Variants in MICU2 observed in about 807,000 individuals in gnomAD.
MICU2 encodes the protein mitochondrial calcium uptake 2, also known as calcium uptake protein 2, mitochondrial.
MICU2 carries 64 observed loss-of-function variants against 60.4 expected under a neutral mutation model. That is an observed-to-expected ratio of 1.06 (90% CI 0.87 to 1.31). The LOEUF is 1.31. Among genes scored for constraint, MICU2 ranks in the 50% most tolerant of loss-of-function variants. MICU2 has a pLI of 0.00. For synonymous variants in MICU2, 201 were observed against 175.0 expected, an observed-to-expected ratio of 1.15 and a Z score of -1.17; for missense variants, 569 against 531.0, an observed-to-expected ratio of 1.07 and a Z score of -0.70.
At chr13:21,573,487 T>C (rs1349752320) in intron 1 of MICU2, among the ~76,000 whole-genome samples, 3 of 152,144 alleles carry the variant, frequency 2.0e-5, no homozygotes. Flanking sequence ...TTAGCCAGGA[T>C]GGTCTTGATC....
chr13:21,563,408 T>C (rs1477838355), intron 2 of MICU2, among the ~76,000 whole-genome samples: 5 of 151,888 alleles, frequency 3.3e-5, no homozygotes, highest in South Asian at 2.1e-4. Flanking sequence ...TGAGCCAAGA[T>C]TGCACCACTG....
At chr13:21,510,312 T>C (rs1331996597) in intron 7 of MICU2, among the ~76,000 whole-genome samples, 1 of 152,112 alleles carries the variant, frequency 6.6e-6, no homozygotes, top group South Asian at 2.1e-4. Flanking sequence ...CAATAAACAA[T>C]AAGGGATAAA....
At chr13:21,566,762 T>C (rs547146586) in intron 2 of MICU2, 35 bp downstream of exon 2, 9 of 1,501,558 alleles carry the variant, frequency 6.0e-6, no homozygotes, top group Non-Finnish European at 4.4e-6. Flanking sequence ...TGAAGTCTGA[T>C]TTTTTTAATT....
intron 5 of MICU2, among the ~76,000 whole-genome samples, chr13:21,522,117 G>A (rs1340661611): frequency 6.6e-6 from 1 of 152,182 alleles, no homozygotes; most frequent in Non-Finnish European, 1.5e-5. Context: ...ACATGGCACA[G>A]CATTATGAAC....
At chr13:21,513,739 C>CA (rs376128312) in intron 7 of MICU2, among the ~76,000 whole-genome samples, 44,178 of 58,746 alleles carry the variant, frequency 0.75, 19,046 homozygotes, top group Non-Finnish European at 0.83. Flanking sequence ...GACTCTGTCT[C>CA]AAAAAAAAAA....
At chr13:21,556,913 A>G (rs969419439) in intron 2 of MICU2, among the ~76,000 whole-genome samples, 1 of 152,238 alleles carries the variant, frequency 6.6e-6, no homozygotes, top group Admixed American at 6.5e-5. Flanking sequence ...GAGGACTATC[A>G]AAATTAGTGG....
intron 1 of MICU2, among the ~76,000 whole-genome samples, chr13:21,602,409 C>G (rs1174506648): frequency 6.6e-6 from 1 of 152,128 alleles, no homozygotes; most frequent in Non-Finnish European, 1.5e-5. Flanking sequence ...GTAGTCCCAG[C>G]TACTCGGGAG....
At chr13:21,563,398 T>C (rs925568669) in intron 2 of MICU2, among the ~76,000 whole-genome samples, 7 of 151,506 alleles carry the variant, frequency 4.6e-5, no homozygotes, top group Non-Finnish European at 7.4e-5. Context: ...GAGCTTACAG[T>C]GAGCCAAGAT....
chr13:21,582,299 C>T (rs898222123), intron 1 of MICU2, among the ~76,000 whole-genome samples: 3 of 152,100 alleles, frequency 2.0e-5, no homozygotes, highest in African/African-American at 7.2e-5. Context: ...GATACAATAG[C>T]CAAAACTTTT....
At chr13:21,508,248 C>T (rs1031692797) in intron 8 of MICU2, among the ~76,000 whole-genome samples, 1 of 151,964 alleles carries the variant, frequency 6.6e-6, no homozygotes, top group Non-Finnish European at 1.5e-5. Flanking sequence ...GCCTCAGCCT[C>T]CCAAGTAGCA....
At chr13:21,551,010 TCAACGGGCCCTA>T (rs1292545177) in intron 2 of MICU2, among the ~76,000 whole-genome samples, 4 of 152,340 alleles carry the variant, frequency 2.6e-5, no homozygotes, top group African/African-American at 9.6e-5. Context: ...TCCTTTGATC[TCAACGGGCCCTA>T]CAATCTTTTG....
chr13:21,564,102 G>C (rs1593346975), intron 2 of MICU2, among the ~76,000 whole-genome samples: 1 of 152,156 alleles, frequency 6.6e-6, no homozygotes, highest in African/African-American at 2.4e-5. Flanking sequence ...GGAGCCCTTA[G>C]CATATTAATG....
chr13:21,555,903 C>T (rs1488807333), intron 2 of MICU2, among the ~76,000 whole-genome samples: 1 of 152,160 alleles, frequency 6.6e-6, no homozygotes. Context: ...CTACCTAATC[C>T]AAGCTTCCAC....
chr13:21,592,817 C>G (rs546228804), intron 1 of MICU2, among the ~76,000 whole-genome samples: 23 of 152,264 alleles, frequency 1.5e-4, no homozygotes, highest in African/African-American at 5.5e-4. Context: ...ATTCAACATC[C>G]CTTCATGTTT....
chr13:21,583,138 C>T (rs9509803), intron 1 of MICU2, among the ~76,000 whole-genome samples: 27,543 of 152,104 alleles, frequency 0.18, 3,340 homozygotes, highest in Non-Finnish European at 0.28. Flanking sequence ...GCCTGTAGTC[C>T]TAGCTACTCG....
chr13:21,508,458 G>A (rs113464537), intron 8 of MICU2, among the ~76,000 whole-genome samples: 1 of 152,118 alleles, frequency 6.6e-6, no homozygotes, highest in Non-Finnish European at 1.5e-5. Flanking sequence ...ATATCTGAAT[G>A]GTCTTCTCTC....
intron 4 of MICU2, chr13:21,530,972 C>T (rs1593328991): frequency 3.9e-6 from 3 of 778,090 alleles, no homozygotes; most frequent in East Asian, 2.4e-5. Flanking sequence ...GACAAATATA[C>T]ACTCTGGAAA....
rs192911961 is a variant in MICU2, at chr13:21,542,731, T to C, written c.359-3043A>G. 1.6e-4 allele frequency among the ~76,000 whole-genome samples: 24 copies of C among 152,306 alleles called. 1 individual carries two copies. In the East Asian group the frequency reaches 3.9e-3, roughly 24 times the overall value. ...CAGGAAGTAAAATGTTTTAAAAGGA[T>C]TCCACCCATATTAGAGATTCCACCA... is the stretch of plus-strand genomic sequence containing the variant. On this transcript the variant is annotated intron_variant, in intron 2 of 11. Coordinates refer to ENST00000382374, the MANE Select transcript of MICU2 (RefSeq NM_152726.3).
At chr13:21,537,018 T>C (rs1474365579) in intron 4 of MICU2, among the ~76,000 whole-genome samples, 1 of 152,238 alleles carries the variant, frequency 6.6e-6, no homozygotes, top group African/African-American at 2.4e-5. Flanking sequence ...CTCTTGGACA[T>C]CCACTACATC....
Sources: gnomAD v4.1 joint callset for allele counts (sites outside exome capture counted in the v4.1 genomes callset) on GRCh38, gnomAD v4.1.1 for gene constraint, MANE v1.5 for transcripts, NCBI Gene and HGNC (gene_info 2026-07-23, HGNC 2026-07-21) for gene names.